The following SLC8B1 variants were observed in gnomAD, a reference collection of about 807,000 sequenced individuals.
SLC8B1 encodes solute carrier family 8 member B1.
In SLC8B1, 52 loss-of-function variants were observed where a neutral mutation model predicts 63.4. The observed-to-expected ratio is 0.82, with a 90% CI of 0.66 to 1.03. The LOEUF (loss-of-function observed/expected upper bound fraction) is 1.03, where lower values mean the gene tolerates loss of function less well. SLC8B1 is among the 50% of genes least tolerant of loss of function. The pLI is 0.00. For synonymous variants in SLC8B1, 336 were observed against 323.9 expected, an observed-to-expected ratio of 1.04 and a Z score of -0.40; for missense variants, 657 against 741.7, an observed-to-expected ratio of 0.89 and a Z score of 1.33.
chr12:113,326,236 G>A (rs1593259109), intron 2 of SLC8B1, among the ~76,000 whole-genome samples: 1 of 152,214 alleles, frequency 6.6e-6, no homozygotes, highest in East Asian at 1.9e-4. Context: ...CCCATTCGTT[G>A]ATGTACAATC....
intron 2 of SLC8B1, among the ~76,000 whole-genome samples, chr12:113,324,981 G>A (rs1467604998): frequency 6.6e-6 from 1 of 152,200 alleles, no homozygotes. Flanking sequence ...TGGGATTACA[G>A]GTGTGAGCCT....
In SLC8B1 at chr12:113,316,435, G is replaced by A. The variant is rs1956836378; in HGVS notation, c.993+91C>T. ...TCTGAGAGGGTCTCAGTGGACCCCA[G>A]GCCCTCCCCCTCGTAGAGCTGGAGA... On this transcript the variant is annotated intron_variant, in intron 10 of 15. Coordinates refer to ENST00000680972, the MANE Select transcript of SLC8B1 (RefSeq NM_001358345.2). 8.7e-6 allele frequency: 13 copies of A among 1,492,210 alleles called. No individual in the cohort carries two copies. In the South Asian group the frequency reaches 1.5e-4, roughly 18 times the overall value. 92.4% of individuals were successfully genotyped at this position (1,492,210 alleles called of 1,614,324 possible).
chr12:113,302,652 T>G (rs1048286266), intron 15 of SLC8B1: 4 of 455,984 alleles, frequency 8.8e-6, no homozygotes, highest in Admixed American at 2.4e-5. Context: ...GTGGGCTGTT[T>G]CTAGGCACCG....
intron 2 of SLC8B1, among the ~76,000 whole-genome samples, chr12:113,325,710 G>A (rs1296386150): frequency 2.0e-5 from 3 of 151,902 alleles, no homozygotes; most frequent in Non-Finnish European, 2.9e-5. Flanking sequence ...GACTACAGGC[G>A]CTCGCCACCA....
intron 11 of SLC8B1, among the ~76,000 whole-genome samples, chr12:113,313,752 A>G (rs561386715): frequency 1.3e-4 from 20 of 152,282 alleles, no homozygotes; most frequent in African/African-American, 4.6e-4. Context: ...AAAAACAAAG[A>G]AAAATATCAA....
At chr12:113,316,780 G>T in intron 9 of SLC8B1, 124 bp from the exon 10 acceptor site, 1 of 1,514,936 alleles carries the variant, frequency 6.6e-7, no homozygotes, top group Non-Finnish European at 9.0e-7. Flanking sequence ...GTACTCGGCA[G>T]AGGGCAGACA....
Position 113,305,163 on chromosome 12 carries a change from G to C in SLC8B1, c.1493-778C>G, listed in dbSNP as rs1462706098. Among the ~76,000 whole-genome samples the C allele has an allele frequency of 6.6e-6, 1 of 152,252 alleles. No homozygotes were observed. The highest frequency in any genetic ancestry group is 1.5e-5 in the Non-Finnish European group (1 of 68,042). On this transcript the variant is annotated intron_variant, in intron 14 of 15. Transcript: ENST00000680972. The surrounding 1 kb of genome is among the most constrained non-coding windows in gnomAD (Gnocchi z 4.3). Reference sequence around the variant, plus strand: ...CCCTAGAGGGAACTGGTGATAGTGTGTGGGCCGAGGCCATCTCTAGGGGTC... The same window carrying C: ...CCCTAGAGGGAACTGGTGATAGTGTCTGGGCCGAGGCCATCTCTAGGGGTC...
chr12:113,302,930 ATCCT>A (rs1566222116), intron 15 of SLC8B1, among the ~76,000 whole-genome samples: 1 of 152,130 alleles, frequency 6.6e-6, no homozygotes, highest in East Asian at 1.9e-4. Context: ...CACCATGGAC[ATCCT>A]TCCATGTTGA....
chr12:113,300,198 C>G (rs916667695), intron 15 of SLC8B1, among the ~76,000 whole-genome samples: 1 of 152,218 alleles, frequency 6.6e-6, no homozygotes, highest in African/African-American at 2.4e-5. Context: ...GCAATCTCAG[C>G]CGAGCACAGT....
In SLC8B1 at chr12:113,315,563, C is replaced by T. The variant is rs1224846755; in HGVS notation, c.994-87G>A. On this transcript the variant is annotated intron_variant, in intron 10 of 15. Coordinates refer to ENST00000680972, the MANE Select transcript of SLC8B1 (RefSeq NM_001358345.2). Reference sequence around the variant, plus strand: ...GATGGACTTCAGTGACTCAAGAGCTCGGCCGTTCATTGCTGAAGCACTGAC... The same window carrying T: ...GATGGACTTCAGTGACTCAAGAGCTTGGCCGTTCATTGCTGAAGCACTGAC... The T allele has an allele frequency of 1.4e-5, 20 of 1,425,180 alleles. No individual in the cohort carries two copies. The African/African-American group carries it at 1.4e-4, about 10-fold the overall frequency. The allele number at this position is 1,425,180 out of a possible 1,614,324, so 88.3% of individuals were successfully genotyped here. A position where few individuals can be genotyped will look rare whatever the true frequency, so the allele number is the denominator to read the frequency against.
chr12:113,332,826 A>G lies in SLC8B1; in HGVS notation c.53T>C (p.Leu18Pro). 1 of 1,614,192 alleles carries G rather than the reference A, an allele frequency of 6.2e-7. No homozygotes were observed. Among genetic ancestry groups the G allele is most frequent in the South Asian group, 1.1e-5 (1 of 91,080 alleles). ...CCCAGACACTGTCTCCGCCATTAGC[A>G]GCACACAAAGCACACTCAGTGCCCA... ...LRWALSVLCV[L>P]LMAETVSGTR... is the part of the protein sequence containing the mutation. The change falls in exon 2 of 16, where the codon CTG (leucine) becomes CCG (proline). Residue 18 changes from leucine to proline, a missense_variant. Physicochemically the swap from Leu to Pro is moderately conservative, Grantham distance 98. Coordinates refer to ENST00000680972, the MANE Select transcript of SLC8B1 (RefSeq NM_001358345.2).
At chr12:113,327,657 G>A (rs570473704) in intron 2 of SLC8B1, among the ~76,000 whole-genome samples, 6 of 151,098 alleles carry the variant, frequency 4.0e-5, no homozygotes, top group African/African-American at 1.2e-4. Flanking sequence ...ACTCTAGGCT[G>A]GGCAACAGAG....
chr12:113,316,598 C>T lies in SLC8B1; in HGVS notation c.921G>A (p.Arg307=), dbSNP rs755090268. 6.2e-7 allele frequency: 1 copy of T among 1,614,188 alleles called. No individual in the cohort carries two copies. Among genetic ancestry groups the T allele is most frequent in the Non-Finnish European group, 8.5e-7 (1 of 1,180,038 alleles). ...TCATGTAATCCAGGGGATTGAGGGC[C>T]CGGACCAGGATCTGAGCCGTGGTCT... ...YQETTAQILV[R]ALNPLDYMKW... Residue 307 remains arginine (R), a synonymous_variant, in exon 10 of 16, where the codon CGG becomes CGA. Coordinates refer to ENST00000680972, the MANE Select transcript of SLC8B1 (RefSeq NM_001358345.2).
In SLC8B1 at chr12:113,310,200, TC is replaced by T. The variant is rs558719946; in HGVS notation, c.1257+33del. 104 of 1,589,446 alleles carry T rather than the reference TC, an allele frequency of 6.5e-5. 1 individual carries two copies. Among genetic ancestry groups the T allele is most frequent in the East Asian group, 2.7e-4 (12 of 44,260 alleles). On this transcript the variant is annotated intron_variant, in intron 12 of 15. Transcript: ENST00000680972. ...TCTGTGTGGGAGACATCAGCATCCC[TC>T]CCCCCCCATCTCGGAGAACCCGGGC...
intron 11 of SLC8B1, among the ~76,000 whole-genome samples, chr12:113,315,014 G>A (rs918082780): frequency 6.6e-6 from 1 of 152,202 alleles, no homozygotes; most frequent in East Asian, 1.9e-4. Context: ...GGCTGTGCAC[G>A]GTGGCTCACG....
chr12:113,306,525 A>G lies in SLC8B1; in HGVS notation c.1462T>C (p.Phe488Leu). Residue 488 changes from phenylalanine to leucine, a missense_variant, in exon 14 of 16, where the codon TTC (phenylalanine) becomes CTC (leucine). By Grantham distance (22) the Phe-to-Leu change is conservative. Transcript: ENST00000680972. ...ATGATGCCGCCAAAGCAGGCGGAGAACGCCATCCGTGGGTAGCCCTGGCGA... is the reference window on the plus strand; with the variant it reads ...ATGATGCCGCCAAAGCAGGCGGAGAGCGCCATCCGTGGGTAGCCCTGGCGA... ...LARQGYPRMA[F>L]SACFGGIIFN... 6.2e-7 allele frequency: 1 copy of G among 1,613,830 alleles called. No individual in the cohort carries two copies. The highest frequency in any genetic ancestry group is 2.2e-5 in the East Asian group (1 of 44,876).
intron 15 of SLC8B1, among the ~76,000 whole-genome samples, chr12:113,303,449 C>T (rs769863386): frequency 2.0e-5 from 3 of 152,088 alleles, no homozygotes; most frequent in Non-Finnish European, 4.4e-5. Flanking sequence ...CTTCATAACA[C>T]TCAAAGAGCT....
At chr12:113,306,388 G>T in intron 14 of SLC8B1, 107 bp downstream of exon 14, 1 of 914,776 alleles carries the variant, frequency 1.1e-6, no homozygotes, top group Non-Finnish European at 1.6e-6. Flanking sequence ...CACATTACCT[G>T]CCCCAGGTGT....
intron 2 of SLC8B1, among the ~76,000 whole-genome samples, chr12:113,324,812 T>C (rs1200725227): frequency 6.6e-6 from 1 of 152,080 alleles, no homozygotes; most frequent in African/African-American, 2.4e-5. Context: ...CAAGTGATTC[T>C]CCTGCCTCAG....
Sources: gnomAD v4.1 joint callset for allele counts (sites outside exome capture counted in the v4.1 genomes callset) on GRCh38, gnomAD v4.1.1 for gene constraint, Gnocchi (gnomAD v3.1) non-coding constraint, MANE v1.5 for transcripts, NCBI Gene and HGNC (gene_info 2026-07-23, HGNC 2026-07-21) for gene names.